The following FBXL13 variants were observed in gnomAD, a reference collection of about 807,000 sequenced individuals.
FBXL13 encodes the protein F-box and leucine rich repeat protein 13, also known as F-box and leucine-rich repeat protein 13.
Under a neutral mutation model 83.6 loss-of-function variants are expected in FBXL13, and 67 were observed. The ratio of observed to expected loss-of-function variants is 0.80; its 90% confidence interval spans 0.66 to 0.98. The LOEUF (loss-of-function observed/expected upper bound fraction) is 0.98, where lower values mean the gene tolerates loss of function less well. Among genes scored for constraint, FBXL13 ranks in the 50% least tolerant of loss-of-function variants. The pLI is 0.00. For missense variants in FBXL13, 822 were observed against 866.5 expected, an observed-to-expected ratio of 0.95 and a Z score of 0.64; for synonymous variants, 272 against 299.5, an observed-to-expected ratio of 0.91 and a Z score of 0.95.
chr7:103,048,290 CACTT>C (rs1309483730), intron 2 of FBXL13, among the ~76,000 whole-genome samples: 1 of 151,872 alleles, frequency 6.6e-6, no homozygotes, highest in Non-Finnish European at 1.5e-5. Context: ...GTAAGTCACT[CACTT>C]AGCCAAAATG....
intron 18 of FBXL13, among the ~76,000 whole-genome samples, chr7:102,831,072 T>C (rs1006394530): frequency 3.9e-5 from 6 of 152,188 alleles, no homozygotes; most frequent in Non-Finnish European, 7.3e-5. Context: ...TCAGTCATTT[T>C]AGGTCTTTCA....
At chr7:103,003,823 C>G (rs892615078) in intron 6 of FBXL13, among the ~76,000 whole-genome samples, 2 of 152,010 alleles carry the variant, frequency 1.3e-5, no homozygotes, top group Admixed American at 1.3e-4. Flanking sequence ...GTAATCCACC[C>G]GCCTTGACCT....
intron 19 of FBXL13, among the ~76,000 whole-genome samples, chr7:102,818,035 T>C (rs905145233): frequency 6.6e-6 from 1 of 152,252 alleles, no homozygotes; most frequent in Non-Finnish European, 1.5e-5. Context: ...TTGTTTCTTA[T>C]AAATTAAAAG....
intron 6 of FBXL13, among the ~76,000 whole-genome samples, chr7:103,008,225 AG>A (rs1333479341): frequency 6.6e-6 from 1 of 152,234 alleles, no homozygotes; most frequent in Non-Finnish European, 1.5e-5. Flanking sequence ...CTTTATGTCA[AG>A]GTTATGAAAA....
intron 17 of FBXL13, among the ~76,000 whole-genome samples, chr7:102,835,603 G>GCT (rs1328561449): frequency 4.1e-5 from 4 of 97,524 alleles, no homozygotes; most frequent in Non-Finnish European, 7.5e-5. Flanking sequence ...AGGTGACATT[G>GCT]TTTTTTTTTT....
At position 102,884,349 on chromosome 7, in the gene FBXL13, A is replaced by C. The variant is rs760119487; in HGVS notation, c.1009-37T>G. 27 of 1,472,334 alleles carry C rather than the reference A, an allele frequency of 1.8e-5. 1 individual carries two copies. In the South Asian group the frequency reaches 2.8e-4, roughly 15 times the overall value. 91.2% of individuals were successfully genotyped at this position (1,472,334 alleles called of 1,614,324 possible). A position where few individuals can be genotyped will look rare whatever the true frequency, so the allele number is the denominator to read the frequency against. On this transcript the variant is annotated intron_variant, in intron 11 of 19. Transcript: ENST00000313221. ...AGAGTAGAAAATAATGGGAGAATGCATTAGCATGATAAAAATCCAAGGGAG... is the reference window on the plus strand; with the variant it reads ...AGAGTAGAAAATAATGGGAGAATGCCTTAGCATGATAAAAATCCAAGGGAG...
chr7:102,972,955 G>T (rs1826905127), intron 6 of FBXL13, among the ~76,000 whole-genome samples: 1 of 151,854 alleles, frequency 6.6e-6, no homozygotes, highest in Non-Finnish European at 1.5e-5. Context: ...ATGCATTTAT[G>T]GTTAAAATGT....
intron 18 of FBXL13, chr7:102,822,582 G>A: frequency 2.6e-6 from 1 of 385,982 alleles, no homozygotes; most frequent in Non-Finnish European, 5.1e-6. Context: ...TGTCACAGTG[G>A]GAGTTAGGGT....
chr7:102,961,917 T>C (rs1242072130), intron 8 of FBXL13, among the ~76,000 whole-genome samples: 52 of 148,558 alleles, frequency 3.5e-4, no homozygotes, highest in African/African-American at 1.2e-3. Context: ...ATTCAGGACA[T>C]AGGCATGGGC....
At chr7:102,983,917 G>T (rs1459792583) in intron 6 of FBXL13, among the ~76,000 whole-genome samples, 1 of 152,164 alleles carries the variant, frequency 6.6e-6, no homozygotes, top group African/African-American at 2.4e-5. Context: ...CATTTATGCA[G>T]TACTTGAGCT....
intron 6 of FBXL13, among the ~76,000 whole-genome samples, chr7:102,971,199 G>T (rs982278289): frequency 4.6e-5 from 7 of 152,150 alleles, no homozygotes; most frequent in Admixed American, 4.6e-4. Flanking sequence ...CACAGATTAC[G>T]TACAAAAGAC....
At chr7:102,994,905 A>T (rs544583910) in intron 6 of FBXL13, among the ~76,000 whole-genome samples, 2 of 152,298 alleles carry the variant, frequency 1.3e-5, no homozygotes, top group East Asian at 3.9e-4. Flanking sequence ...TGTGAGCTCT[A>T]GTCAGCAAAT....
intron 2 of FBXL13, among the ~76,000 whole-genome samples, chr7:103,052,074 G>GT (rs1298527059): frequency 3.9e-5 from 6 of 152,316 alleles, no homozygotes; most frequent in Non-Finnish European, 7.4e-5. Flanking sequence ...ACTGTGTAGT[G>GT]TAAGACTGAA....
At chr7:102,830,767 G>A (rs950603211) in intron 18 of FBXL13, among the ~76,000 whole-genome samples, 1 of 152,188 alleles carries the variant, frequency 6.6e-6, no homozygotes, top group Non-Finnish European at 1.5e-5. Flanking sequence ...AGCCTTCAGT[G>A]TGTACAATAG....
chr7:102,962,681 A>G (rs995674714), intron 8 of FBXL13, among the ~76,000 whole-genome samples: 1 of 152,068 alleles, frequency 6.6e-6, no homozygotes, highest in Non-Finnish European at 1.5e-5. Flanking sequence ...TGTCCTTTGT[A>G]GGGACATGGA....
intron 1 of FBXL13, among the ~76,000 whole-genome samples, chr7:103,058,772 A>G (rs1176647468): frequency 6.6e-6 from 1 of 152,200 alleles, no homozygotes; most frequent in Non-Finnish European, 1.5e-5. Flanking sequence ...TTTATGGTAC[A>G]TTTTTAAGAA....
At chr7:102,943,546 A>G (rs531424969) in intron 8 of FBXL13, among the ~76,000 whole-genome samples, 1 of 152,172 alleles carries the variant, frequency 6.6e-6, no homozygotes, top group Non-Finnish European at 1.5e-5. Context: ...CGAAAGAAAC[A>G]CTTTCATTAT....
intron 10 of FBXL13, among the ~76,000 whole-genome samples, chr7:102,923,351 C>T (rs1432351473): frequency 6.6e-6 from 1 of 152,104 alleles, no homozygotes; most frequent in Non-Finnish European, 1.5e-5. Flanking sequence ...AGAATACTTC[C>T]ATATTGGCCA....
At chr7:102,972,566 G>A (rs1455024010) in intron 6 of FBXL13, among the ~76,000 whole-genome samples, 1 of 151,992 alleles carries the variant, frequency 6.6e-6, no homozygotes, top group Non-Finnish European at 1.5e-5. Flanking sequence ...ACTTGGTAAT[G>A]GGTGCGCTAA....
Sources: allele counts gnomAD v4.1 joint callset (sites outside exome capture counted in the v4.1 genomes callset), GRCh38; gene constraint gnomAD v4.1.1; transcripts MANE v1.5; gene names NCBI Gene and HGNC (gene_info 2026-07-23, HGNC 2026-07-21).